TRPM3: variants seen among roughly 807,000 people sequenced by gnomAD.
TRPM3 encodes long transient receptor potential channel 3.
A neutral mutation model predicts 181.2 loss-of-function variants in TRPM3; 77 were observed. The ratio of observed to expected loss-of-function variants is 0.42; its 90% CI spans 0.35 to 0.51. The LOEUF (loss-of-function observed/expected upper bound fraction) is 0.51, where lower values mean the gene tolerates loss of function less well. Among genes scored for constraint, TRPM3 ranks in the 20% least tolerant of loss-of-function variants. TRPM3 has a pLI of 0.01. For synonymous variants in TRPM3, 745 were observed against 796.4 expected (o/e 0.94, Z 1.09); for missense variants, 1,759 against 2,196.7 (o/e 0.80, Z 3.98).
intron 22 of TRPM3, among the ~76,000 whole-genome samples, chr9:70,566,346 G>A (rs2050580195): frequency 1.3e-5 from 2 of 152,026 alleles, no homozygotes; most frequent in South Asian, 4.2e-4. Flanking sequence ...ACCAGGCACT[G>A]CTTAGAGCTA....
At chr9:71,354,263 G>C (rs1380608196) in intron 1 of TRPM3, among the ~76,000 whole-genome samples, 1 of 152,132 alleles carries the variant, frequency 6.6e-6, no homozygotes, top group African/African-American at 2.4e-5. Context: ...GCTACAAGAA[G>C]ACTCGTCCTG....
chr9:71,385,973 C>T (rs904641686), intron 1 of TRPM3, among the ~76,000 whole-genome samples: 11 of 151,970 alleles, frequency 7.2e-5, no homozygotes, highest in African/African-American at 2.4e-4. Flanking sequence ...TCTCAAAGTG[C>T]TGGGATTACA....
chr9:70,781,349 A>AAAAAAAAAG (rs2082419360), intron 7 of TRPM3, among the ~76,000 whole-genome samples: 3 of 144,236 alleles, frequency 2.1e-5, no homozygotes, highest in African/African-American at 7.6e-5. Flanking sequence ...AAAAAAAAAA[A>AAAAAAAAAG]GAAAACATGA....
At chr9:70,619,406 CT>C (rs1170887633) in intron 16 of TRPM3, among the ~76,000 whole-genome samples, 12,183 of 80,448 alleles carry the variant, frequency 0.15, 254 homozygotes, top group South Asian at 0.21. Context: ...TCGTCGTCTT[CT>C]TTTTTTTTTT....
intron 1 of TRPM3, among the ~76,000 whole-genome samples, chr9:71,147,422 CAG>C (rs1565275722): frequency 1.0e-5 from 1 of 99,424 alleles, no homozygotes; most frequent in East Asian, 3.4e-4. Context: ...CTGCAACACA[CAG>C]ACACACACAC....
intron 1 of TRPM3, among the ~76,000 whole-genome samples, chr9:70,968,356 G>A (rs897003749): frequency 2.0e-5 from 3 of 152,070 alleles, no homozygotes; most frequent in Non-Finnish European, 4.4e-5. Flanking sequence ...AGACTCTCCC[G>A]GAACAGACTG....
At chr9:70,940,418 C>T (rs927118699) in intron 1 of TRPM3, among the ~76,000 whole-genome samples, 1 of 152,230 alleles carries the variant, frequency 6.6e-6, no homozygotes, top group East Asian at 1.9e-4. Flanking sequence ...ATGCAAGTAT[C>T]AGGAGAATCA....
At chr9:70,944,147 T>C (rs950767282) in intron 1 of TRPM3, among the ~76,000 whole-genome samples, 2 of 152,170 alleles carry the variant, frequency 1.3e-5, no homozygotes, top group Admixed American at 1.3e-4. Flanking sequence ...GCAAATTCAG[T>C]CTGGCCTCTG....
chr9:70,928,095 A>G (rs1738054526), intron 1 of TRPM3, among the ~76,000 whole-genome samples: 1 of 152,176 alleles, frequency 6.6e-6, no homozygotes, highest in Admixed American at 6.5e-5. Context: ...TAATAGGGAA[A>G]AATGAAAGGA....
intron 1 of TRPM3, among the ~76,000 whole-genome samples, chr9:70,882,589 T>C (rs1291347897): frequency 1.3e-5 from 2 of 152,078 alleles, no homozygotes; most frequent in East Asian, 1.9e-4. Flanking sequence ...TAGCAAGAAA[T>C]TTTGAGTATT....
rs774862975 is a variant in TRPM3, at chr9:70,863,010, G to A, written c.360C>T (p.Ile120=). The change falls in exon 3 of 26, where the codon ATC becomes ATT. Residue 120 remains isoleucine (I), a synonymous_variant. Transcript: ENST00000677713. ...TGCTGATGGACCACTTTTCAGACTG[G>A]ATGTCATTTCGGGAGAGGCGACTTT... ...KNESRLSRND[I]QSEKWSISKH... 6.2e-7 allele frequency: 1 copy of A among 1,613,674 alleles called. No homozygotes were observed. Among genetic ancestry groups the A allele is most frequent in the African/African-American group, 1.3e-5 (1 of 74,982 alleles).
chr9:70,671,842 G>T (rs2062994792), intron 9 of TRPM3, among the ~76,000 whole-genome samples: 3 of 151,986 alleles, frequency 2.0e-5, no homozygotes, highest in Admixed American at 6.6e-5. Flanking sequence ...TCAGCTCATT[G>T]CATCCTCCGT....
chr9:70,998,553 G>A (rs1291924271), intron 1 of TRPM3, among the ~76,000 whole-genome samples: 1 of 152,070 alleles, frequency 6.6e-6, no homozygotes, highest in Non-Finnish European at 1.5e-5. Context: ...TGTACACTCT[G>A]TGGGTTTAGA....
chr9:71,249,442 C>T (rs2082214388), intron 1 of TRPM3, among the ~76,000 whole-genome samples: 1 of 152,074 alleles, frequency 6.6e-6, no homozygotes, highest in Non-Finnish European at 1.5e-5. Context: ...AAGAGTACAG[C>T]TTAAATGTTC....
chr9:70,593,252 A>G (rs541365606), intron 21 of TRPM3, among the ~76,000 whole-genome samples: 21 of 152,310 alleles, frequency 1.4e-4, no homozygotes, highest in African/African-American at 3.4e-4. Flanking sequence ...TATTTCTTCT[A>G]TAGTTTAGTG....
chr9:71,371,519 TTGA>T (rs1438733597), intron 1 of TRPM3, among the ~76,000 whole-genome samples: 1 of 152,166 alleles, frequency 6.6e-6, no homozygotes, highest in African/African-American at 2.4e-5. Flanking sequence ...GAAGTGGAGC[TTGA>T]TGATGTGACT....
chr9:71,284,777 A>G (rs2085142837), intron 1 of TRPM3, among the ~76,000 whole-genome samples: 1 of 152,220 alleles, frequency 6.6e-6, no homozygotes, highest in Non-Finnish European at 1.5e-5. Context: ...AATGTATTCT[A>G]CATTACTTAG....
chr9:70,588,666 C>T (rs1165488747), intron 22 of TRPM3, among the ~76,000 whole-genome samples: 1 of 152,072 alleles, frequency 6.6e-6, no homozygotes, highest in Non-Finnish European at 1.5e-5. Flanking sequence ...CACAAACCAA[C>T]CTGGGCACGA....
chr9:70,768,146 C>T (rs1216538741), intron 7 of TRPM3, among the ~76,000 whole-genome samples: 1 of 152,180 alleles, frequency 6.6e-6, no homozygotes, highest in African/African-American at 2.4e-5. Flanking sequence ...AATTGCCTTA[C>T]TTTGAATTTT....
Sources: allele counts gnomAD v4.1 joint callset (sites outside exome capture counted in the v4.1 genomes callset), GRCh38; gene constraint gnomAD v4.1.1; transcripts MANE v1.5; gene names NCBI Gene and HGNC (gene_info 2026-07-23, HGNC 2026-07-21).